RNF38: variants seen among roughly 807,000 people sequenced by gnomAD.
RNF38 encodes ring finger protein 38.
A neutral mutation model predicts 67.2 loss-of-function variants in RNF38; 15 were observed. The ratio of observed to expected loss-of-function variants is 0.22; its 90% CI spans 0.15 to 0.34. RNF38 has a LOEUF of 0.34. Among genes scored for constraint, RNF38 ranks in the 10% least tolerant of loss-of-function variants. RNF38 has a pLI of 1.00. For missense variants in RNF38, 524 were observed against 639.9 expected (o/e 0.82, Z 1.95); for synonymous variants, 220 against 218.8 (o/e 1.01, Z -0.05).
At chr9:36,471,772 C>A (rs765462921) in intron 1 of RNF38, among the ~76,000 whole-genome samples, 2 of 152,176 alleles carry the variant, frequency 1.3e-5, no homozygotes, top group Non-Finnish European at 2.9e-5. Context: ...TACTTTACTT[C>A]TTTTTAGAAA....
rs900047429 is a variant in RNF38 at position 36,383,161 on chromosome 9, T to C, written c.163-7034A>G. On this transcript the variant is annotated intron_variant, in intron 2 of 11. Transcript: ENST00000259605. Reference sequence around the variant, plus strand: ...TTACCTCATTTTATTCTCCACAAGCTGAGGTTTTCATTTTTAAACTATGTC... The same window carrying C: ...TTACCTCATTTTATTCTCCACAAGCCGAGGTTTTCATTTTTAAACTATGTC... Among the ~76,000 whole-genome samples the C allele has an allele frequency of 2.6e-5, 4 of 152,306 alleles. No homozygotes were observed. The East Asian group carries it at 7.7e-4, about 29-fold the overall frequency.
chr9:36,368,570 A>G (rs990544074), intron 4 of RNF38, among the ~76,000 whole-genome samples: 1 of 152,170 alleles, frequency 6.6e-6, no homozygotes, highest in Non-Finnish European at 1.5e-5. Flanking sequence ...AAGGTACAAA[A>G]ATTGTGTTTT....
chr9:36,460,382 A>G (rs1839698858), intron 1 of RNF38, among the ~76,000 whole-genome samples: 1 of 152,188 alleles, frequency 6.6e-6, no homozygotes, highest in Admixed American at 6.6e-5. Context: ...TGGTTTAGCC[A>G]AACTATCATA....
chr9:36,426,095 G>T (rs1460432113), intron 1 of RNF38, among the ~76,000 whole-genome samples: 1 of 152,198 alleles, frequency 6.6e-6, no homozygotes, highest in African/African-American at 2.4e-5. Flanking sequence ...TACTATTACA[G>T]TAAGAGCTTA....
intron 2 of RNF38, among the ~76,000 whole-genome samples, chr9:36,406,526 C>T (rs544534642): frequency 6.6e-6 from 1 of 152,338 alleles, no homozygotes; most frequent in South Asian, 2.1e-4. Flanking sequence ...TGCCTTCCAA[C>T]TTTGTATTTA....
chr9:36,357,949 A>G lies in RNF38; in HGVS notation c.571-7T>C. 2 of 1,606,084 alleles carry G rather than the reference A, an allele frequency of 1.2e-6. No homozygotes were observed. Among genetic ancestry groups the G allele is most frequent in the East Asian group, 2.2e-5 (1 of 44,758 alleles). ...GGACTGTTCCTTGATGGAGCTTTAA[A>G]GGAAAAAACAAATGAACAAACTTTA... On this transcript the variant is annotated splice_polypyrimidine_tract_variant and splice_region_variant and intron_variant, in intron 4 of 11. Transcript: ENST00000259605.
chr9:36,458,279 A>G (rs1282328227), intron 1 of RNF38, among the ~76,000 whole-genome samples: 1 of 152,136 alleles, frequency 6.6e-6, no homozygotes, highest in Non-Finnish European at 1.5e-5. Flanking sequence ...CACTCTGTAA[A>G]ATGGACCAGT....
intron 1 of RNF38, among the ~76,000 whole-genome samples, chr9:36,484,817 G>C (rs1372587013): frequency 1.3e-5 from 2 of 152,144 alleles, no homozygotes; most frequent in African/African-American, 4.8e-5. Flanking sequence ...ATTTTAATGA[G>C]TGAGGCTAGT....
intron 2 of RNF38, among the ~76,000 whole-genome samples, chr9:36,422,057 T>A (rs1838643117): frequency 6.6e-6 from 1 of 151,908 alleles, no homozygotes; most frequent in South Asian, 2.1e-4. Context: ...CATGGTGAAG[T>A]CCCATTTCTA....
intron 11 of RNF38, 118 bp downstream of exon 11, chr9:36,342,207 A>G: frequency 1.4e-6 from 1 of 724,500 alleles, no homozygotes. Context: ...GATCATACTG[A>G]AAGCTGTGTT....
At chr9:36,417,127 C>A (rs565643840) in intron 2 of RNF38, among the ~76,000 whole-genome samples, 4 of 152,236 alleles carry the variant, frequency 2.6e-5, no homozygotes, top group African/African-American at 9.6e-5. Flanking sequence ...AGGTTAAATC[C>A]TTCTCCCATG....
intron 1 of RNF38, among the ~76,000 whole-genome samples, chr9:36,429,173 G>A (rs756928363): frequency 2.0e-5 from 3 of 152,100 alleles, no homozygotes; most frequent in Non-Finnish European, 2.9e-5. Context: ...ATAGTAACAT[G>A]TGTACATAAG....
At chr9:36,381,999 G>A (rs980545717) in intron 2 of RNF38, among the ~76,000 whole-genome samples, 8 of 152,266 alleles carry the variant, frequency 5.3e-5, no homozygotes, top group African/African-American at 1.4e-4. Flanking sequence ...TCACTCCCCC[G>A]TCTCTAATTC....
chr9:36,352,887 C>A lies in RNF38; in HGVS notation c.1072-39G>T, dbSNP rs373450988. 1.0e-5 allele frequency: 14 copies of A among 1,378,968 alleles called. No individual in the cohort carries two copies. In the East Asian group the frequency reaches 1.4e-4, roughly 14 times the overall value. 85.4% of individuals were successfully genotyped at this position (1,378,968 alleles called of 1,614,324 possible). On this transcript the variant is annotated intron_variant, in intron 7 of 11. Coordinates refer to ENST00000259605, the MANE Select transcript of RNF38 (RefSeq NM_022781.5). ...AATGTTAAGATTTAGAATCACTCTA[C>A]GTTTACAAATAGCCTGTCAAATAAA...
intron 1 of RNF38, among the ~76,000 whole-genome samples, chr9:36,397,090 T>TATAC: frequency 6.9e-6 from 1 of 144,362 alleles, no homozygotes; most frequent in South Asian, 2.2e-4. Context: ...TGTATATATA[T>TATAC]ATATATATGT....
intron 2 of RNF38, among the ~76,000 whole-genome samples, chr9:36,415,030 T>A (rs1011688141): frequency 6.6e-6 from 1 of 152,230 alleles, no homozygotes; most frequent in African/African-American, 2.4e-5. Context: ...TAGGTGATAA[T>A]CTTTTTGCAA....
chr9:36,366,324 A>C (rs977789447), intron 4 of RNF38, among the ~76,000 whole-genome samples: 1 of 152,222 alleles, frequency 6.6e-6, no homozygotes, highest in African/African-American at 2.4e-5. Context: ...ATCAAATAAA[A>C]ATAAATGATT....
intron 9 of RNF38, among the ~76,000 whole-genome samples, chr9:36,347,809 G>A (rs1251805742): frequency 6.6e-6 from 1 of 152,204 alleles, no homozygotes; most frequent in Non-Finnish European, 1.5e-5. Context: ...CGGGCACAGT[G>A]GCTCATGCCT....
intron 1 of RNF38, among the ~76,000 whole-genome samples, chr9:36,433,343 G>T (rs1035320247): frequency 2.0e-5 from 3 of 151,782 alleles, no homozygotes; most frequent in Admixed American, 6.6e-5. Flanking sequence ...ACCCTAATGT[G>T]ATTATTAGGC....
Sources: gnomAD v4.1 joint callset for allele counts (sites outside exome capture counted in the v4.1 genomes callset) on GRCh38, gnomAD v4.1.1 for gene constraint, MANE v1.5 for transcripts, NCBI Gene and HGNC (gene_info 2026-07-23, HGNC 2026-07-21) for gene names.